The following N4BP2L1 variants were observed in gnomAD, a reference collection of about 807,000 sequenced individuals.
N4BP2L1 encodes NEDD4 binding protein 2 like 1.
N4BP2L1 carries 12 observed loss-of-function variants against 21.2 expected under a neutral mutation model. The ratio of observed to expected loss-of-function variants is 0.57; its 90% CI spans 0.36 to 0.92. N4BP2L1 has a LOEUF of 0.92. Ranked by LOEUF, N4BP2L1 falls within the 40% of genes least tolerant of loss-of-function variation. N4BP2L1 has a pLI of 0.01. For synonymous variants in N4BP2L1, 104 were observed against 112.8 expected (o/e 0.92, Z 0.49); for missense variants, 259 against 310.6 (o/e 0.83, Z 1.25).
intron 4 of N4BP2L1, chr13:32,403,725 G>C (rs776709595): frequency 1.1e-5 from 6 of 536,036 alleles, no homozygotes. Context: ...AATTCTGATG[G>C]AGTAGTCCAC....
intron 1 of N4BP2L1, among the ~76,000 whole-genome samples, chr13:32,424,691 T>A (rs1186378924): frequency 2.0e-5 from 3 of 152,214 alleles, no homozygotes; most frequent in African/African-American, 7.2e-5. Flanking sequence ...TAAGAACCTA[T>A]CTGTAATATG....
chr13:32,410,277 T>C (rs1466528507), intron 1 of N4BP2L1, among the ~76,000 whole-genome samples: 1 of 152,214 alleles, frequency 6.6e-6, no homozygotes, highest in Non-Finnish European at 1.5e-5. Flanking sequence ...GCAGGGCCTG[T>C]CATCCTTCTG....
At chr13:32,426,660 G>C (rs187033210) in intron 1 of N4BP2L1, among the ~76,000 whole-genome samples, 1 of 152,176 alleles carries the variant, frequency 6.6e-6, no homozygotes, top group African/African-American at 2.4e-5. Flanking sequence ...TTGATTCTTC[G>C]GCAGTTCCTT....
chr13:32,417,325 T>C (rs2074204613), intron 1 of N4BP2L1, among the ~76,000 whole-genome samples: 2 of 152,164 alleles, frequency 1.3e-5, no homozygotes, highest in Admixed American at 1.3e-4. Context: ...ATGGCAATGG[T>C]TACCCTCATG....
chr13:32,407,583 G>T, intron 2 of N4BP2L1, 62 bp downstream of exon 2: 1 of 1,606,682 alleles, frequency 6.2e-7, no homozygotes, highest in Middle Eastern at 1.6e-4. Context: ...TATTCATTCT[G>T]CAGCAGCTAC....
At chr13:32,408,859 C>G (rs1041166676) in intron 1 of N4BP2L1, among the ~76,000 whole-genome samples, 1 of 152,216 alleles carries the variant, frequency 6.6e-6, no homozygotes, top group African/African-American at 2.4e-5. Context: ...CCAGGAAGAA[C>G]AGAACAAACA....
In N4BP2L1 at chr13:32,403,010, T is replaced by G. The variant is rs1193042253; in HGVS notation, c.664A>C (p.Arg222=). 6.2e-7 allele frequency: 1 copy of G among 1,614,000 alleles called. No individual in the cohort carries two copies. Among genetic ancestry groups the G allele is most frequent in the Admixed American group, 1.7e-5 (1 of 59,986 alleles). The part of the protein sequence containing the change: ...WNSYTEFPNR[R]AHGGFTNESS... ...TCATTTGTAAATCCACCGTGGGCCCTCCGGTTTGGAAACTCTGTGTAGGAA... is the reference window on the plus strand; with the variant it reads ...TCATTTGTAAATCCACCGTGGGCCCGCCGGTTTGGAAACTCTGTGTAGGAA... Residue 222 remains arginine (R), a synonymous_variant, in exon 5 of 5, where the codon AGG becomes CGG. Transcript: ENST00000380130.
Position 32,402,464 on chromosome 13 carries a change from C to T in N4BP2L1, c.*478G>A. The stretch of plus-strand genomic sequence containing the variant: ...AGTATCATAAGAGTCGCACATCTCA[C>T]ATTTTTAGATACATAGATTATCAAA... On this transcript the variant is annotated 3_prime_UTR_variant, in exon 5 of 5. Transcript: ENST00000380130. 1 of 974,136 alleles carries T rather than the reference C, an allele frequency of 1.0e-6. No individual in the cohort carries two copies. The highest frequency in any genetic ancestry group is 1.2e-6 in the Non-Finnish European group (1 of 819,722). 60.3% of individuals were successfully genotyped at this position (974,136 alleles called of 1,614,324 possible).
Position 32,402,872 on chromosome 13 carries a change from C to G in N4BP2L1, c.*70G>C. 6.6e-7 allele frequency: 1 copy of G among 1,505,258 alleles called. No individual in the cohort carries two copies. Among genetic ancestry groups the G allele is most frequent in the Non-Finnish European group, 8.9e-7 (1 of 1,126,708 alleles). 93.2% of individuals were successfully genotyped at this position (1,505,258 alleles called of 1,614,324 possible). A position where few individuals can be genotyped will look rare whatever the true frequency, so the allele number is the denominator to read the frequency against. ...TGGAATTGGAGCTCTGACTAAAATG[C>G]AACAAAAAATAACAAAAACTGAAGT... On this transcript the variant is annotated 3_prime_UTR_variant, in exon 5 of 5. Transcript: ENST00000380130.
chr13:32,411,701 AATCACT>A, intron 1 of N4BP2L1: 1 of 984,896 alleles, frequency 1.0e-6, no homozygotes, highest in Non-Finnish European at 1.2e-6. Flanking sequence ...ATTCATTTAA[AATCACT>A]ATTATAAGAG....
Position 32,407,687 on chromosome 13 carries a change from G to C in N4BP2L1, c.265C>G (p.Pro89Ala). 6.2e-7 allele frequency: 1 copy of C among 1,614,004 alleles called. No homozygotes were observed. Among genetic ancestry groups the C allele is most frequent in the Non-Finnish European group, 8.5e-7 (1 of 1,180,024 alleles). The change falls in exon 2 of 5, where the codon CCT becomes GCT. Residue 89 changes from proline (P) to alanine (A), a missense_variant. By Grantham distance (27) the Pro-to-Ala change is conservative. Coordinates refer to ENST00000380130, the MANE Select transcript of N4BP2L1 (RefSeq NM_052818.3). ...TCATGAGCTTCCTCCAGGAAGTCAG[G>C]ATTGAACTCATAGGCACCATCTTCC... is the stretch of plus-strand genomic sequence containing the variant. ...FREDGAYEFN[P>A]DFLEEAHEWN...
intron 1 of N4BP2L1, among the ~76,000 whole-genome samples, chr13:32,421,791 T>C (rs1031106936): frequency 2.6e-5 from 4 of 152,170 alleles, no homozygotes; most frequent in African/African-American, 9.7e-5. Flanking sequence ...GACTAATTTT[T>C]CTTTATTATA....
At position 32,419,412 on chromosome 13, in the gene N4BP2L1, A is replaced by ATTTTTTTT. The variant is rs71071039; in HGVS notation, c.179+8484_179+8491dup. On this transcript the variant is annotated intron_variant, in intron 1 of 4. Coordinates refer to ENST00000380130, the MANE Select transcript of N4BP2L1 (RefSeq NM_052818.3). Reference sequence around the variant, plus strand: ...GGGTGCTTGCCACCATGCTTGGCTAATTTTTTTTTTTTTTTTTTTTTTTTT... The same window carrying ATTTTTTTT: ...GGGTGCTTGCCACCATGCTTGGCTAATTTTTTTTTTTTTTTTTTTTTTTTTTTTTTTTT... 1.0e-3 allele frequency: 286 copies of ATTTTTTTT among 284,642 alleles called. 6 individuals are homozygous for ATTTTTTTT. The highest frequency in any genetic ancestry group is 2.9e-3 in the Middle Eastern group (2 of 692). 17.6% of individuals were successfully genotyped at this position (284,642 alleles called of 1,614,324 possible). A position where few individuals can be genotyped will look rare whatever the true frequency, so the allele number is the denominator to read the frequency against.
At chr13:32,413,261 T>A (rs1225210972) in intron 1 of N4BP2L1, among the ~76,000 whole-genome samples, 1 of 152,180 alleles carries the variant, frequency 6.6e-6, no homozygotes, top group African/African-American at 2.4e-5. Context: ...TTTTAAAAAT[T>A]CCCCAATGGT....
At chr13:32,411,420 T>G (rs1259014398) in intron 1 of N4BP2L1, 1 of 612,194 alleles carries the variant, frequency 1.6e-6, no homozygotes, top group Admixed American at 6.4e-5. Flanking sequence ...CTAGCAGCCA[T>G]AGTAGCATGT....
intron 3 of N4BP2L1, chr13:32,407,017 T>C (rs1340056406): frequency 3.7e-6 from 2 of 535,264 alleles, no homozygotes; most frequent in East Asian, 6.6e-5. Flanking sequence ...CCAAAGACCA[T>C]TTGCCAAGGA....
At chr13:32,424,788 G>A (rs910353148) in intron 1 of N4BP2L1, 2 of 152,182 alleles carry the variant, frequency 1.3e-5, no homozygotes, top group Non-Finnish European at 2.9e-5. Context: ...AATTTAATCA[G>A]TTAAAACTCC....
At chr13:32,427,789 C>G (rs1158353424) in intron 1 of N4BP2L1, 115 bp downstream of exon 1, 6 of 568,238 alleles carry the variant, frequency 1.1e-5, no homozygotes, top group Non-Finnish European at 1.5e-5. Flanking sequence ...CCGCGGCAGG[C>G]ACCCGCGGCG....
chr13:32,418,942 G>T (rs1385992667), intron 1 of N4BP2L1, among the ~76,000 whole-genome samples: 1 of 152,182 alleles, frequency 6.6e-6, no homozygotes, highest in Non-Finnish European at 1.5e-5. Context: ...GATTTTACAG[G>T]TTCATAAGCA....
Sources: allele counts gnomAD v4.1 joint callset (sites outside exome capture counted in the v4.1 genomes callset), GRCh38; gene constraint gnomAD v4.1.1; transcripts MANE v1.5; gene names NCBI Gene and HGNC (gene_info 2026-07-23, HGNC 2026-07-21).